Variants in BLTP3A observed in about 807,000 individuals in gnomAD.
BLTP3A encodes the protein bridge-like lipid transfer protein family member 3A, also known as ICBP90 binding protein 1.
the BLTP3A span, chr6:34,823,444 A>C: frequency 1.0e-6 from 1 of 987,076 alleles, no homozygotes; most frequent in Non-Finnish European, 1.6e-6. Context: ...GACATTTTCA[A>C]ACTTACACTA....
chr6:34,838,237 C>T, the BLTP3A span, among the ~76,000 whole-genome samples: 6 of 152,082 alleles, frequency 3.9e-5, no homozygotes, highest in Non-Finnish European at 7.4e-5. Context: ...TGTGAGTTTC[C>T]ATATAAGTTG....
chr6:34,868,508 A>G, the BLTP3A span, among the ~76,000 whole-genome samples: 1 of 151,754 alleles, frequency 6.6e-6, no homozygotes, highest in Admixed American at 6.6e-5. Context: ...GGATCACTTG[A>G]GGTCAGGAAT....
At chr6:34,811,012 C>T in the BLTP3A span, among the ~76,000 whole-genome samples, 1 of 152,142 alleles carries the variant, frequency 6.6e-6, no homozygotes, top group Admixed American at 6.6e-5. Flanking sequence ...GGTTTGTCTG[C>T]AAGTTTTTTC....
the BLTP3A span, among the ~76,000 whole-genome samples, chr6:34,818,240 A>G: frequency 6.6e-6 from 1 of 152,184 alleles, no homozygotes; most frequent in Admixed American, 6.5e-5. Flanking sequence ...AGGCCGAGGC[A>G]GGTGGATTGC....
At chr6:34,855,713 ACT>A in the BLTP3A span, 5 of 1,612,932 alleles carry the variant, frequency 3.1e-6, no homozygotes, top group African/African-American at 2.7e-5. Flanking sequence ...GGTTAGGAAA[ACT>A]CTGAATGGGG....
chr6:34,833,292 A>G, the BLTP3A span, among the ~76,000 whole-genome samples: 1 of 152,176 alleles, frequency 6.6e-6, no homozygotes, highest in Admixed American at 6.5e-5. Flanking sequence ...GGAACTTCAC[A>G]TACCAAGGGA....
At chr6:34,829,275 G>T in the BLTP3A span, among the ~76,000 whole-genome samples, 1 of 152,052 alleles carries the variant, frequency 6.6e-6, no homozygotes, top group Admixed American at 6.6e-5. Flanking sequence ...CCCTGCCTTA[G>T]CCCTAGGCAA....
the BLTP3A span, among the ~76,000 whole-genome samples, chr6:34,853,973 C>T: frequency 6.6e-6 from 1 of 152,112 alleles, no homozygotes; most frequent in Non-Finnish European, 1.5e-5. Context: ...TTTGTAATCC[C>T]TGCACTTTGG....
chr6:34,807,787 C>A, the BLTP3A span, among the ~76,000 whole-genome samples: 1 of 152,188 alleles, frequency 6.6e-6, no homozygotes, highest in Non-Finnish European at 1.5e-5. Flanking sequence ...CGCCTCTAAT[C>A]CCAGCACTTT....
the BLTP3A span, among the ~76,000 whole-genome samples, chr6:34,826,888 C>A: frequency 6.6e-6 from 1 of 152,180 alleles, no homozygotes; most frequent in South Asian, 2.1e-4. Context: ...AGACATCTCT[C>A]CAAGGAGCCC....
At chr6:34,836,057 A>G in the BLTP3A span, 4 of 1,434,260 alleles carry the variant, frequency 2.8e-6, no homozygotes, top group Non-Finnish European at 1.9e-6. Flanking sequence ...ACATCTTGCT[A>G]AACTGTGGTT....
At chr6:34,833,572 C>T in the BLTP3A span, among the ~76,000 whole-genome samples, 1 of 151,994 alleles carries the variant, frequency 6.6e-6, no homozygotes, top group African/African-American at 2.4e-5. Context: ...TTCTTTCTAA[C>T]AGGAGGGAGA....
At chr6:34,871,658 G>A in the BLTP3A span, 3 of 1,614,078 alleles carry the variant, frequency 1.9e-6, no homozygotes, top group East Asian at 4.5e-5. Context: ...ATGTTGTGCT[G>A]AAGAGGAGTG....
At chr6:34,834,709 C>T in the BLTP3A span, 2 of 1,612,378 alleles carry the variant, frequency 1.2e-6, no homozygotes, top group African/African-American at 2.7e-5. Flanking sequence ...ATTGTACTTT[C>T]TCTCCTTCCA....
At chr6:34,852,211 C>T in the BLTP3A span, among the ~76,000 whole-genome samples, 1 of 152,168 alleles carries the variant, frequency 6.6e-6, no homozygotes, top group African/African-American at 2.4e-5. Context: ...TTGTGGTCAC[C>T]ACAGGTAAGA....
chr6:34,851,093 C>T, the BLTP3A span, among the ~76,000 whole-genome samples: 1 of 151,980 alleles, frequency 6.6e-6, no homozygotes, highest in Non-Finnish European at 1.5e-5. Context: ...CATTGAGCTC[C>T]CTCAAAACAG....
At chr6:34,846,768 T>C in the BLTP3A span, among the ~76,000 whole-genome samples, 1 of 152,222 alleles carries the variant, frequency 6.6e-6, no homozygotes, top group Non-Finnish European at 1.5e-5. Context: ...CTTTCTGTTG[T>C]CTAATTGTTC....
At chr6:34,831,475 T>C in the BLTP3A span, among the ~76,000 whole-genome samples, 2 of 152,192 alleles carry the variant, frequency 1.3e-5, no homozygotes, top group African/African-American at 4.8e-5. Flanking sequence ...TTAATTCTGA[T>C]GTAGTCCAGT....
At chr6:34,857,542 G>T in the BLTP3A span, 2 of 1,557,922 alleles carry the variant, frequency 1.3e-6, no homozygotes, top group African/African-American at 2.8e-5. Context: ...GGGCCACTAC[G>T]TATATTTTTA....
Sources: gnomAD v4.1 joint callset for allele counts (sites outside exome capture counted in the v4.1 genomes callset) on GRCh38, gnomAD v4.1.1 for gene constraint, MANE v1.5 for transcripts, NCBI Gene and HGNC (gene_info 2026-07-23, HGNC 2026-07-21) for gene names.